Variants in PDGFC observed in about 807,000 individuals in gnomAD.
The protein encoded by PDGFC is platelet derived growth factor C.
PDGFC carries 12 observed loss-of-function variants against 35.5 expected under a neutral mutation model. The ratio of observed to expected loss-of-function variants is 0.34; its 90% CI spans 0.22 to 0.55. The LOEUF is 0.55. Ranked by LOEUF, PDGFC falls within the 20% of genes least tolerant of loss-of-function variation. The probability of loss-of-function intolerance (pLI) is 0.91; values close to 1 mark genes in which losing one functional copy is unlikely to be tolerated. For missense variants in PDGFC, 322 were observed against 412.4 expected (o/e 0.78, Z 1.90); for synonymous variants, 159 against 148.8 (o/e 1.07, Z -0.50).
intron 1 of PDGFC, among the ~76,000 whole-genome samples, chr4:156,917,176 T>C (rs529684994): frequency 2.6e-4 from 39 of 152,324 alleles, no homozygotes; most frequent in African/African-American, 9.1e-4. Flanking sequence ...CAGATGGCCT[T>C]CAAGATCGAT....
chr4:156,790,404 C>T (rs1731263377), intron 3 of PDGFC, among the ~76,000 whole-genome samples: 1 of 152,072 alleles, frequency 6.6e-6, no homozygotes, highest in Non-Finnish European at 1.5e-5. Flanking sequence ...ATGGAATGGA[C>T]TTAAGAGCTA....
intron 2 of PDGFC, among the ~76,000 whole-genome samples, chr4:156,849,167 G>C (rs1729394073): frequency 6.6e-6 from 1 of 152,028 alleles, no homozygotes; most frequent in Non-Finnish European, 1.5e-5. Context: ...ATCTGAACGA[G>C]ATCTAGGGCA....
intron 1 of PDGFC, among the ~76,000 whole-genome samples, chr4:156,895,056 A>AC (rs1346780798): frequency 6.6e-6 from 1 of 152,128 alleles, no homozygotes; most frequent in African/African-American, 2.4e-5. Context: ...ATAACATATC[A>AC]CACTTCTCCT....
chr4:156,809,716 A>C (rs2110941080), intron 3 of PDGFC, among the ~76,000 whole-genome samples: 1 of 151,760 alleles, frequency 6.6e-6, no homozygotes, highest in Admixed American at 6.6e-5. Context: ...AATCAGAAAA[A>C]AAAACCTTCA....
At chr4:156,957,379 T>A (rs567838983) in intron 1 of PDGFC, among the ~76,000 whole-genome samples, 1 of 152,096 alleles carries the variant, frequency 6.6e-6, no homozygotes, top group South Asian at 2.1e-4. Context: ...CACTGAAGAT[T>A]TTTTCTTTGT....
chr4:156,873,761 C>T (rs1454293070), intron 1 of PDGFC: 1 of 152,170 alleles, frequency 6.6e-6, no homozygotes, highest in Non-Finnish European at 1.5e-5. Flanking sequence ...AGATCCCTGC[C>T]AGAACAGTCC....
chr4:156,831,752 C>T (rs1281218105), intron 2 of PDGFC, among the ~76,000 whole-genome samples: 1 of 151,220 alleles, frequency 6.6e-6, no homozygotes, highest in East Asian at 1.9e-4. Flanking sequence ...AACCCTGTCT[C>T]TTGAAAAAAG....
intron 1 of PDGFC, among the ~76,000 whole-genome samples, chr4:156,894,740 C>G (rs1579083157): frequency 6.6e-6 from 1 of 151,982 alleles, no homozygotes; most frequent in Non-Finnish European, 1.5e-5. Context: ...GTTAAAAAGT[C>G]AGAAGACAGA....
chr4:156,853,380 A>G (rs1432182608), intron 1 of PDGFC, among the ~76,000 whole-genome samples: 2 of 152,190 alleles, frequency 1.3e-5, no homozygotes, highest in African/African-American at 4.8e-5. Context: ...GTTTAATCCT[A>G]AACTACCCCA....
chr4:156,870,879 C>A (rs1729966146), intron 1 of PDGFC, among the ~76,000 whole-genome samples: 1 of 152,102 alleles, frequency 6.6e-6, no homozygotes, highest in South Asian at 2.1e-4. Flanking sequence ...AAAAGCTATT[C>A]TCTGTAAAGC....
At chr4:156,914,536 A>G (rs1579096352) in intron 1 of PDGFC, among the ~76,000 whole-genome samples, 1 of 152,316 alleles carries the variant, frequency 6.6e-6, no homozygotes, top group East Asian at 1.9e-4. Flanking sequence ...CAAAGTTATC[A>G]CTGATCCCTT....
chr4:156,876,947 A>G (rs2111159965), intron 1 of PDGFC: 1 of 152,266 alleles, frequency 6.6e-6, no homozygotes. Context: ...ACAATTAATA[A>G]AATGAATGTA....
At chr4:156,802,939 A>G (rs1425368364) in intron 3 of PDGFC, among the ~76,000 whole-genome samples, 1 of 152,184 alleles carries the variant, frequency 6.6e-6, no homozygotes, top group Non-Finnish European at 1.5e-5. Flanking sequence ...TTTTCTCAGT[A>G]TATTCATGGA....
At chr4:156,909,885 A>T (rs1005184758) in intron 1 of PDGFC, among the ~76,000 whole-genome samples, 1 of 152,198 alleles carries the variant, frequency 6.6e-6, no homozygotes, top group Non-Finnish European at 1.5e-5. Context: ...TAAATCCAGT[A>T]TCTGGTGCCC....
intron 1 of PDGFC, among the ~76,000 whole-genome samples, chr4:156,889,176 G>A (rs759503355): frequency 2.0e-5 from 3 of 152,084 alleles, no homozygotes; most frequent in Non-Finnish European, 2.9e-5. Context: ...TCTCAGCCAT[G>A]ATTTCTTAAC....
At chr4:156,901,975 G>C (rs552747311) in intron 1 of PDGFC, among the ~76,000 whole-genome samples, 2 of 152,198 alleles carry the variant, frequency 1.3e-5, no homozygotes, top group African/African-American at 4.8e-5. Flanking sequence ...GCGATGCCAG[G>C]ATAAGGGAAG....
intron 3 of PDGFC, among the ~76,000 whole-genome samples, chr4:156,795,750 C>A (rs1159823476): frequency 6.6e-6 from 1 of 152,072 alleles, no homozygotes; most frequent in Non-Finnish European, 1.5e-5. Context: ...GTAAAACTAC[C>A]ATATAAGATA....
intron 1 of PDGFC, among the ~76,000 whole-genome samples, chr4:156,889,899 T>TA: frequency 6.6e-6 from 1 of 152,288 alleles, no homozygotes; most frequent in African/African-American, 2.4e-5. Flanking sequence ...GCATAGTGAA[T>TA]AAAAAAATGT....
chr4:156,923,298 C>T (rs1731331491), intron 1 of PDGFC, among the ~76,000 whole-genome samples: 1 of 152,178 alleles, frequency 6.6e-6, no homozygotes, highest in Non-Finnish European at 1.5e-5. Context: ...GACGCACCTG[C>T]CTCCGGTCCT....
Sources: allele counts gnomAD v4.1 joint callset (sites outside exome capture counted in the v4.1 genomes callset), GRCh38; gene constraint gnomAD v4.1.1; transcripts MANE v1.5; gene names NCBI Gene and HGNC (gene_info 2026-07-23, HGNC 2026-07-21).